The following DCDC2C variants were observed in gnomAD, a reference collection of about 807,000 sequenced individuals.
DCDC2C encodes doublecortin domain-containing protein 2C.
Under a neutral mutation model 45.0 loss-of-function variants are expected in DCDC2C, and 44 were observed. That is an observed-to-expected ratio of 0.98 (90% confidence interval 0.77 to 1.26). The LOEUF (loss-of-function observed/expected upper bound fraction) is 1.26. Among genes scored for constraint, DCDC2C ranks in the 50% most tolerant of loss-of-function variants. DCDC2C has a pLI of 0.00. For synonymous variants in DCDC2C, 187 were observed against 178.8 expected (o/e 1.05, Z -0.37); for missense variants, 447 against 468.9 (o/e 0.95, Z 0.43).
intron 10 of DCDC2C, among the ~76,000 whole-genome samples, chr2:3,807,537 C>T (rs775400160): frequency 6.4e-4 from 98 of 151,994 alleles, no homozygotes; most frequent in Non-Finnish European, 1.1e-3. Flanking sequence ...CCACTTCATG[C>T]CACCCTTTCC....
At chr2:3,755,349 A>T (rs1311286106) in intron 6 of DCDC2C, among the ~76,000 whole-genome samples, 2 of 147,688 alleles carry the variant, frequency 1.4e-5, no homozygotes, top group African/African-American at 4.9e-5. Flanking sequence ...ATAGATGCAT[A>T]TGTGTGTATG....
At chr2:3,755,607 G>A (rs1669687547) in intron 6 of DCDC2C, among the ~76,000 whole-genome samples, 1 of 152,174 alleles carries the variant, frequency 6.6e-6, no homozygotes, top group South Asian at 2.1e-4. Flanking sequence ...GTGTATGCAT[G>A]TGTGTATGGA....
intron 6 of DCDC2C, among the ~76,000 whole-genome samples, chr2:3,759,355 A>C (rs1390152882): frequency 1.3e-5 from 2 of 152,228 alleles, no homozygotes; most frequent in Non-Finnish European, 2.9e-5. Flanking sequence ...CAGTAAGTAG[A>C]AAATAGAACT....
intron 8 of DCDC2C, among the ~76,000 whole-genome samples, chr2:3,775,099 AG>A (rs1257883175): frequency 2.7e-5 from 4 of 150,714 alleles, no homozygotes; most frequent in Non-Finnish European, 5.9e-5. Flanking sequence ...GGAACAACGT[AG>A]GGAGTGGCTC....
chr2:3,751,342 C>T (rs754645381), intron 4 of DCDC2C, among the ~76,000 whole-genome samples: 2 of 152,234 alleles, frequency 1.3e-5, no homozygotes, highest in African/African-American at 2.4e-5. Context: ...CCCCAGGCCC[C>T]AGCGGGAGGA....
intron 2 of DCDC2C, among the ~76,000 whole-genome samples, chr2:3,717,296 CT>C (rs1668374486): frequency 6.6e-6 from 1 of 152,222 alleles, no homozygotes; most frequent in African/African-American, 2.4e-5. Context: ...ACATCTCAAA[CT>C]CAGCATGTCC....
intron 8 of DCDC2C, among the ~76,000 whole-genome samples, chr2:3,773,246 C>G (rs199870631): frequency 4.8e-5 from 2 of 41,710 alleles, no homozygotes; most frequent in African/African-American, 7.8e-5. Context: ...TAACGACCCC[C>G]TGTTTTTTTT....
Position 3,758,079 on chromosome 2 carries a change from T to C in DCDC2C, c.726+3445T>C, listed in dbSNP as rs181272114. ...TACTCATTACTACTGATGGAATAAATTGTATGGACTGAAAAGGGAGCAAAA... is the reference window on the plus strand; with the variant it reads ...TACTCATTACTACTGATGGAATAAACTGTATGGACTGAAAAGGGAGCAAAA... On this transcript the variant is annotated intron_variant, in intron 6 of 10. Coordinates refer to ENST00000399143, the MANE Select transcript of DCDC2C (RefSeq NM_001287444.2). 6.6e-5 allele frequency among the ~76,000 whole-genome samples: 10 copies of C among 152,264 alleles called. No homozygotes were observed. The East Asian group carries it at 1.7e-3, about 26-fold the overall frequency.
At chr2:3,829,869 C>T (rs1376774522) in intron 10 of DCDC2C, among the ~76,000 whole-genome samples, 1 of 152,164 alleles carries the variant, frequency 6.6e-6, no homozygotes, top group East Asian at 1.9e-4. Context: ...AAAACCTCTG[C>T]TTTTGATGGC....
intron 2 of DCDC2C, among the ~76,000 whole-genome samples, chr2:3,723,788 T>C (rs954567630): frequency 2.0e-5 from 3 of 152,074 alleles, no homozygotes; most frequent in African/African-American, 7.2e-5. Context: ...ATGAGAAGAC[T>C]CAAGAACGCC....
chr2:3,780,977 G>A lies in DCDC2C; in HGVS notation c.1023+2093G>A, dbSNP rs555604103. On this transcript the variant is annotated intron_variant, in intron 9 of 10. Coordinates refer to ENST00000399143, the MANE Select transcript of DCDC2C (RefSeq NM_001287444.2). ...TGTCCCTCGTAGATACCGTTGCTTC[G>A]CTGGCGCCACCTACTGCTTCAAGGG... 7.9e-4 allele frequency among the ~76,000 whole-genome samples: 120 copies of A among 152,278 alleles called. 1 individual carries two copies. Among genetic ancestry groups the A allele is most frequent in the African/African-American group, 1.3e-3 (55 of 41,564 alleles).
intron 10 of DCDC2C, among the ~76,000 whole-genome samples, chr2:3,809,140 AT>A (rs1671328602): frequency 6.6e-6 from 1 of 152,158 alleles, no homozygotes; most frequent in Non-Finnish European, 1.5e-5. Context: ...AGCTTTCTTG[AT>A]TACTGCAGTT....
intron 3 of DCDC2C, among the ~76,000 whole-genome samples, chr2:3,727,852 G>A (rs1668741655): frequency 6.6e-6 from 1 of 152,206 alleles, no homozygotes. Context: ...GCAGCACACT[G>A]TGGTGAGGGT....
intron 10 of DCDC2C, among the ~76,000 whole-genome samples, chr2:3,810,351 T>C (rs530039183): frequency 2.6e-4 from 39 of 152,362 alleles, no homozygotes; most frequent in African/African-American, 9.4e-4. Flanking sequence ...TCAGCGATGT[T>C]GAACTTTTTT....
intron 6 of DCDC2C, among the ~76,000 whole-genome samples, chr2:3,762,162 C>CTTTTTTT (rs56067833): frequency 0.088 from 11,223 of 127,294 alleles, 812 homozygotes; most frequent in South Asian, 0.29. Context: ...TTGCTTGAAC[C>CTTTTTTT]TTTTTTTTTT....
chr2:3,752,840 TG>T lies in DCDC2C; in HGVS notation c.625del (p.Glu209ArgfsTer71). Reference sequence around the variant, plus strand: ...AATCACTTTTATGTTGCTGTGGGACTGGAGACCTTCAAATATTTTCCTTACT... The same window carrying T: ...AATCACTTTTATGTTGCTGTGGGACTGAGACCTTCAAATATTTTCCTTACT... The part of the protein sequence containing the change: ...QDNHFYVAVG[L>X]ETFKYFPYWK... On this transcript the variant is annotated frameshift_variant, in exon 5 of 11. Transcript: ENST00000399143. LOFTEE classifies it high-confidence loss of function. The T allele has an allele frequency of 1.3e-6, 2 of 1,550,552 alleles. No individual in the cohort carries two copies. Among genetic ancestry groups the T allele is most frequent in the Non-Finnish European group, 1.7e-6 (2 of 1,146,952 alleles).
chr2:3,737,813 A>G (rs1315848231), intron 3 of DCDC2C, among the ~76,000 whole-genome samples: 1 of 152,210 alleles, frequency 6.6e-6, no homozygotes, highest in Non-Finnish European at 1.5e-5. Context: ...CTGGACCTAT[A>G]TGCTACTTCC....
chr2:3,725,766 G>A (rs55927078), intron 2 of DCDC2C, among the ~76,000 whole-genome samples: 122 of 29,786 alleles, frequency 4.1e-3, no homozygotes, highest in Admixed American at 7.6e-3. Flanking sequence ...AGAGAGTGAT[G>A]AGGGTGGCCA....
At chr2:3,742,604 T>C (rs949320656) in intron 4 of DCDC2C, among the ~76,000 whole-genome samples, 1 of 152,232 alleles carries the variant, frequency 6.6e-6, no homozygotes, top group African/African-American at 2.4e-5. Context: ...CCTCAATGCA[T>C]GTTTTGTCAT....
Sources: allele counts gnomAD v4.1 joint callset (sites outside exome capture counted in the v4.1 genomes callset), GRCh38; gene constraint gnomAD v4.1.1; transcripts MANE v1.5; gene names NCBI Gene and HGNC (gene_info 2026-07-23, HGNC 2026-07-21).